SENP5: variants seen among roughly 807,000 people sequenced by gnomAD.
The protein encoded by SENP5 is SUMO specific peptidase 5, also known as sentrin-specific protease 5.
In SENP5, 21 loss-of-function variants were observed where a neutral mutation model predicts 74.2. The ratio of observed to expected loss-of-function variants is 0.28; its 90% CI spans 0.20 to 0.41. The LOEUF (loss-of-function observed/expected upper bound fraction) is 0.41, where lower values mean the gene tolerates loss of function less well. Ranked by LOEUF, SENP5 falls within the 10% of genes least tolerant of loss-of-function variation. The pLI is 1.00. For synonymous variants in SENP5, 311 were observed against 312.7 expected (o/e 0.99, Z 0.06); for missense variants, 717 against 889.1 (o/e 0.81, Z 2.46).
chr3:196,894,228 A>G (rs539172375), intron 2 of SENP5, among the ~76,000 whole-genome samples: 13 of 147,226 alleles, frequency 8.8e-5, no homozygotes, highest in Non-Finnish European at 1.8e-4. Context: ...GGTTCAAGCA[A>G]TTTTCCTGCC....
chr3:196,880,638 CTTT>C (rs56188124), intron 1 of SENP5, among the ~76,000 whole-genome samples: 1,297 of 101,960 alleles, frequency 0.013, 11 homozygotes, highest in African/African-American at 0.039. Context: ...GCCAGTTATT[CTTT>C]TTTTTTTTTT....
In SENP5 at chr3:196,934,057, A is replaced by G. The variant is rs1716151825; in HGVS notation, c.*3134A>G. On this transcript the variant is annotated 3_prime_UTR_variant, in exon 10 of 10. Transcript: ENST00000323460. ...TCTTTCCTTTTATTAAATCTATAGC[A>G]GTGAATATAGATTTGATTCAACTTT... 6.6e-6 allele frequency: 1 copy of G among 152,154 alleles called. No individual in the cohort carries two copies. Among genetic ancestry groups the G allele is most frequent in the African/African-American group, 2.4e-5 (1 of 41,430 alleles). 9.4% of individuals were successfully genotyped at this position (152,154 alleles called of 1,614,324 possible). A position where few individuals can be genotyped will look rare whatever the true frequency, so the allele number is the denominator to read the frequency against.
chr3:196,928,636 T>C (rs756442230), intron 8 of SENP5, among the ~76,000 whole-genome samples: 11 of 152,316 alleles, frequency 7.2e-5, no homozygotes, highest in East Asian at 1.9e-4. Context: ...ATTGACAGGA[T>C]GTTATAGGCA....
intron 7 of SENP5, among the ~76,000 whole-genome samples, chr3:196,926,705 CT>C (rs1715827985): frequency 7.0e-6 from 1 of 142,962 alleles, no homozygotes; most frequent in Middle Eastern, 3.5e-3. Flanking sequence ...GTGGCCCAGT[CT>C]TGGCTCATGG....
intron 6 of SENP5, among the ~76,000 whole-genome samples, chr3:196,913,669 T>TTTTTTTTG (rs1715232338): frequency 7.0e-6 from 1 of 143,840 alleles, no homozygotes; most frequent in African/African-American, 2.6e-5. Context: ...TTTTTTTTTT[T>TTTTTTTTG]GATGGAGTGT....
At chr3:196,917,185 T>G (rs1201182929) in intron 6 of SENP5, among the ~76,000 whole-genome samples, 1 of 151,638 alleles carries the variant, frequency 6.6e-6, no homozygotes, top group African/African-American at 2.4e-5. Flanking sequence ...AGCTGAAAAA[T>G]TCAGTTGACA....
At chr3:196,917,224 C>G (rs1435193616) in intron 6 of SENP5, among the ~76,000 whole-genome samples, 2 of 151,718 alleles carry the variant, frequency 1.3e-5, no homozygotes, top group Non-Finnish European at 2.9e-5. Flanking sequence ...AATCTCTCAA[C>G]AGCAAAATTG....
chr3:196,880,216 G>C (rs959027612), intron 1 of SENP5, among the ~76,000 whole-genome samples: 2 of 152,090 alleles, frequency 1.3e-5, no homozygotes, highest in African/African-American at 4.8e-5. Flanking sequence ...AAAGTGCTGG[G>C]ATCACAGGCA....
intron 2 of SENP5, among the ~76,000 whole-genome samples, chr3:196,894,752 C>T (rs983479121): frequency 3.9e-5 from 6 of 152,214 alleles, no homozygotes; most frequent in African/African-American, 1.4e-4. Flanking sequence ...TCCTTATTCA[C>T]CTCTCTCCTT....
chr3:196,897,289 A>G (rs78899243), intron 2 of SENP5, among the ~76,000 whole-genome samples: 2 of 152,188 alleles, frequency 1.3e-5, no homozygotes, highest in African/African-American at 2.4e-5. Flanking sequence ...ACACAAGGTT[A>G]TGATTAGGTA....
rs550064949 is a variant in SENP5, at chr3:196,875,372, G to C, written c.-32+7299G>C. Among the ~76,000 whole-genome samples, 40 of 152,226 alleles carry C rather than the reference G, an allele frequency of 2.6e-4. No homozygotes were observed. The South Asian group carries it at 6.2e-3, about 24-fold the overall frequency. ...AACAGATTCCTAATGGGTTTCTTCT[G>C]CTGTGGCCTTCTCCTTGCCATTCTG... On this transcript the variant is annotated intron_variant, in intron 1 of 9. Transcript: ENST00000323460.
intron 2 of SENP5, 50 bp downstream of exon 2, chr3:196,886,744 G>A: frequency 1.4e-6 from 2 of 1,425,994 alleles, no homozygotes; most frequent in Non-Finnish European, 1.9e-6. Flanking sequence ...CACATTTGCT[G>A]TGCATTATCC....
chr3:196,887,308 T>C (rs1714015245), intron 2 of SENP5, among the ~76,000 whole-genome samples: 1 of 151,844 alleles, frequency 6.6e-6, no homozygotes, highest in Admixed American at 6.6e-5. Context: ...ACCCCCCGAG[T>C]AGTTGGGATT....
intron 5 of SENP5, among the ~76,000 whole-genome samples, chr3:196,901,312 T>C (rs1714693223): frequency 6.6e-6 from 1 of 152,114 alleles, no homozygotes; most frequent in East Asian, 1.9e-4. Context: ...CCCAAAGTGC[T>C]GGGATTAAAG....
intron 6 of SENP5, among the ~76,000 whole-genome samples, chr3:196,909,938 A>G (rs35581145): frequency 0.19 from 28,321 of 152,154 alleles, 3,477 homozygotes; most frequent in Non-Finnish European, 0.24. Flanking sequence ...CAGGGTATTC[A>G]GATAGAAAGA....
At chr3:196,897,627 TATC>T (rs1391465375) in intron 2 of SENP5, among the ~76,000 whole-genome samples, 5 of 152,252 alleles carry the variant, frequency 3.3e-5, no homozygotes, top group Non-Finnish European at 7.3e-5. Context: ...AAGACACTCT[TATC>T]ATCTTTTCTA....
rs952961331 is a variant in SENP5, at chr3:196,931,888, GCTGA to G, written c.*972_*975del. Reference sequence around the variant, plus strand: ...GAAACGTAAACATTCAAAACTGAAGGCTGACTGACTTGAGATGTTTTGCAGGTGG... The same window carrying G: ...GAAACGTAAACATTCAAAACTGAAGGCTGACTTGAGATGTTTTGCAGGTGG... On this transcript the variant is annotated 3_prime_UTR_variant, in exon 10 of 10. Transcript: ENST00000323460. The G allele has an allele frequency of 4.4e-6, 2 of 452,938 alleles. No homozygotes were observed. Among genetic ancestry groups the G allele is most frequent in the African/African-American group, 4.0e-5 (2 of 49,804 alleles). 28.1% of individuals were successfully genotyped at this position (452,938 alleles called of 1,614,324 possible). A position where few individuals can be genotyped will look rare whatever the true frequency, so the allele number is the denominator to read the frequency against.
chr3:196,923,224 A>G (rs1391576821), intron 6 of SENP5, among the ~76,000 whole-genome samples, 190 bp from the exon 7 acceptor site: 1 of 152,198 alleles, frequency 6.6e-6, no homozygotes, highest in African/African-American at 2.4e-5. Context: ...TTTTTGTATT[A>G]TTGTTGTGTA....
intron 6 of SENP5, among the ~76,000 whole-genome samples, chr3:196,908,867 G>A (rs1428125754): frequency 5.3e-5 from 8 of 152,020 alleles, no homozygotes; most frequent in Non-Finnish European, 1.5e-5. Flanking sequence ...AGAGAAGCAA[G>A]AGCAAACAAA....
Sources: allele counts gnomAD v4.1 joint callset (sites outside exome capture counted in the v4.1 genomes callset), GRCh38; gene constraint gnomAD v4.1.1; transcripts MANE v1.5; gene names NCBI Gene and HGNC (gene_info 2026-07-23, HGNC 2026-07-21).